Variants in QRICH1 observed in about 807,000 individuals in gnomAD.
QRICH1 encodes the protein glutamine rich 1.
QRICH1 carries 16 observed loss-of-function variants against 87.1 expected under a neutral mutation model. The ratio of observed to expected loss-of-function variants is 0.18; its 90% CI spans 0.12 to 0.28. The LOEUF is 0.28. Ranked by LOEUF, QRICH1 falls within the 10% of genes least tolerant of loss-of-function variation. QRICH1 has a pLI of 1.00. For synonymous variants in QRICH1, 367 were observed against 368.4 expected (o/e 1.00, Z 0.05); for missense variants, 647 against 951.7 (o/e 0.68, Z 4.21).
chr3:49,068,281 CAGG>C (rs2093479580), intron 2 of QRICH1, among the ~76,000 whole-genome samples: 1 of 151,864 alleles, frequency 6.6e-6, no homozygotes, highest in South Asian at 2.1e-4. Flanking sequence ...CAATTGCGCC[CAGG>C]AGTTCAAGGC....
At chr3:49,046,981 A>G (rs2106864772) in intron 4 of QRICH1, 88 bp downstream of exon 4, 12 of 1,438,666 alleles carry the variant, frequency 8.3e-6, no homozygotes, top group Non-Finnish European at 1.1e-5. Flanking sequence ...CCAAGACAGG[A>G]GACACCACTT....
chr3:49,071,165 C>G (rs375416408), intron 2 of QRICH1, among the ~76,000 whole-genome samples: 1 of 151,766 alleles, frequency 6.6e-6, no homozygotes, highest in Non-Finnish European at 1.5e-5. Context: ...CCCGGGTTCA[C>G]GTCATTCTCC....
rs993258870 is a variant in QRICH1, at chr3:49,030,621, T to C, written c.2162A>G (p.Asn721Ser). Residue 721 changes from asparagine to serine, a missense_variant, in exon 10 of 10, where the codon AAT (asparagine) becomes AGT (serine). Transcript: ENST00000395443. ...CTCAGGTGTCAGGTAAAAGGTGTCATTCCGGCCTTTCACACTCTGGGGGCT... is the reference window on the plus strand; with the variant it reads ...CTCAGGTGTCAGGTAAAAGGTGTCACTCCGGCCTTTCACACTCTGGGGGCT... ...FKCPQSVKGRNDTFYLTPEPV... is the reference protein window; with the variant it reads ...FKCPQSVKGRSDTFYLTPEPV... 6.3e-7 allele frequency: 1 copy of C among 1,590,112 alleles called. No homozygotes were observed. Among genetic ancestry groups the C allele is most frequent in the African/African-American group, 1.4e-5 (1 of 73,822 alleles).
chr3:49,073,696 G>T (rs2041892199), intron 2 of QRICH1, among the ~76,000 whole-genome samples: 1 of 151,052 alleles, frequency 6.6e-6, no homozygotes, highest in Admixed American at 6.6e-5. Context: ...ACCCAGGCTG[G>T]AGTGCAGTGG....
At chr3:49,061,407 C>T (rs180865903) in intron 2 of QRICH1, among the ~76,000 whole-genome samples, 2 of 152,146 alleles carry the variant, frequency 1.3e-5, no homozygotes, top group East Asian at 3.9e-4. Flanking sequence ...GATAACAATA[C>T]AGTTACTGTC....
At chr3:49,030,805 C>G (rs1362254055) in intron 9 of QRICH1, among the ~76,000 whole-genome samples, 161 bp from the exon 10 acceptor site, 1 of 152,140 alleles carries the variant, frequency 6.6e-6, no homozygotes, top group African/African-American at 2.4e-5. Context: ...TCCTGGTCCT[C>G]CTTTGGGACT....
intron 3 of QRICH1, among the ~76,000 whole-genome samples, chr3:49,055,288 C>T (rs2093394691): frequency 6.6e-6 from 1 of 152,154 alleles, no homozygotes; most frequent in South Asian, 2.1e-4. Flanking sequence ...CAAACATATG[C>T]ATGCTCAGGA....
At chr3:49,049,659 G>A (rs1451111961) in intron 3 of QRICH1, among the ~76,000 whole-genome samples, 3 of 151,436 alleles carry the variant, frequency 2.0e-5, no homozygotes, top group East Asian at 2.0e-4. Flanking sequence ...CATCATGCCC[G>A]GCTAATTTTT....
chr3:49,043,135 A>C (rs2093320101), intron 6 of QRICH1, among the ~76,000 whole-genome samples: 1 of 152,178 alleles, frequency 6.6e-6, no homozygotes, highest in African/African-American at 2.4e-5. Flanking sequence ...TATATACTTA[A>C]GGAGTTATAT....
At chr3:49,037,481 T>C (rs1047446537) in intron 6 of QRICH1, among the ~76,000 whole-genome samples, 2 of 152,174 alleles carry the variant, frequency 1.3e-5, no homozygotes, top group African/African-American at 2.4e-5. Context: ...ACCTGTAACC[T>C]AGCACTTTGG....
intron 1 of QRICH1, among the ~76,000 whole-genome samples, chr3:49,082,578 T>G (rs1258615330): frequency 2.6e-5 from 4 of 151,720 alleles, no homozygotes; most frequent in Non-Finnish European, 2.9e-5. Context: ...CAAAATCCAT[T>G]CTTTAAGCCT....
At chr3:49,054,435 TA>T (rs2093389071) in intron 3 of QRICH1, among the ~76,000 whole-genome samples, 1 of 152,136 alleles carries the variant, frequency 6.6e-6, no homozygotes, top group Admixed American at 6.6e-5. Context: ...TACCACAGAT[TA>T]GATCAAACTC....
Position 49,073,398 on chromosome 3 carries a change from G to A in QRICH1, c.309+3311C>T, listed in dbSNP as rs118166623. Among the ~76,000 whole-genome samples the A allele has an allele frequency of 2.8e-4, 43 of 151,710 alleles. No homozygotes were observed. The East Asian group carries it at 6.4e-3, about 23-fold the overall frequency. ...TCTACTAAAAATACAAAAATTAGCC[G>A]GCACAGTGGCAGGTGCCTGGAATCC... is the stretch of plus-strand genomic sequence containing the variant. On this transcript the variant is annotated intron_variant, in intron 2 of 9. Coordinates refer to ENST00000395443, the MANE Select transcript of QRICH1 (RefSeq NM_198880.3).
Position 49,094,047 on chromosome 3 carries a change from C to T in QRICH1, c.-157G>A, listed in dbSNP as rs2042334730. Reference sequence around the variant, plus strand: ...CTCCTCACAGCTCCCTGGGCGCCATCTTACATTCAACCCTCACAGCCAATA... The same window carrying T: ...CTCCTCACAGCTCCCTGGGCGCCATTTTACATTCAACCCTCACAGCCAATA... On this transcript the variant is annotated 5_prime_UTR_variant, in exon 1 of 10. Transcript: ENST00000395443. 2 of 398,662 alleles carry T rather than the reference C, an allele frequency of 5.0e-6. No individual in the cohort carries two copies. The highest frequency in any genetic ancestry group is 4.4e-5 in the Admixed American group (1 of 22,722). The allele number at this position is 398,662 out of a possible 1,614,324, so 24.7% of individuals were successfully genotyped here.
chr3:49,030,405 G>A lies in QRICH1; in HGVS notation c.*47C>T. The A allele has an allele frequency of 3.2e-6, 5 of 1,570,348 alleles. No individual in the cohort carries two copies. The East Asian group carries it at 9.1e-5, about 28-fold the overall frequency. On this transcript the variant is annotated 3_prime_UTR_variant, in exon 10 of 10. Transcript: ENST00000395443. ...GGCCTCTTCTTTAGTGTGAAAGTCTGTCTGGTTTTTCCTGGCTGGTTTCTC... is the reference window on the plus strand; with the variant it reads ...GGCCTCTTCTTTAGTGTGAAAGTCTATCTGGTTTTTCCTGGCTGGTTTCTC...
chr3:49,076,745 T>C lies in QRICH1; in HGVS notation c.273A>G (p.Glu91=), dbSNP rs1478112858. ...GCGGCTGCTGAACCTGGATCTGCTG[T>C]TCTTGCTGGGTTTGTGGCTGAACAC... ...TTSVQPQTQQ[E]QQIQVQQPQQ... The change falls in exon 2 of 10, where the codon GAA becomes GAG. Residue 91 remains glutamate, a synonymous_variant. Transcript: ENST00000395443. 6.3e-7 allele frequency: 1 copy of C among 1,598,430 alleles called. No homozygotes were observed. Among genetic ancestry groups the C allele is most frequent in the Admixed American group, 1.7e-5 (1 of 58,722 alleles).
At chr3:49,094,335 AC>A, upstream of QRICH1, 1 of 306,684 alleles carries the variant, frequency 3.3e-6, no homozygotes, top group East Asian at 5.1e-5. Flanking sequence ...CTTTGGACCC[AC>A]CTTCCGTCGC....
Position 49,057,059 on chromosome 3 carries a change from T to G in QRICH1, c.1141A>C (p.Asn381His). Residue 381 changes from asparagine (N) to histidine (H), a missense_variant, in exon 3 of 10, where the codon AAC becomes CAC. By Grantham distance (68) the Asn-to-His change is moderately conservative. Coordinates refer to ENST00000395443, the MANE Select transcript of QRICH1 (RefSeq NM_198880.3). The surrounding 1 kb of genome is among the most constrained non-coding windows in gnomAD (Gnocchi z 5.4). ...SHEEVVQTLA[N>H]SLFPAQFMNG... ...ATGAACTGTGCTGGAAAGAGAGAGT[T>G]TGCAAGGGTCTGCACTACCTCTTCA... 1 of 1,614,192 alleles carries G rather than the reference T, an allele frequency of 6.2e-7. No individual in the cohort carries two copies. The highest frequency in any genetic ancestry group is 8.5e-7 in the Non-Finnish European group (1 of 1,180,028).
At chr3:49,061,972 A>G (rs1022936882) in intron 2 of QRICH1, among the ~76,000 whole-genome samples, 3 of 152,248 alleles carry the variant, frequency 2.0e-5, no homozygotes, top group African/African-American at 7.2e-5. Context: ...CTAATAAGTT[A>G]TATCTAAAAA....
Sources: gnomAD v4.1 joint callset for allele counts (sites outside exome capture counted in the v4.1 genomes callset) on GRCh38, gnomAD v4.1.1 for gene constraint, Gnocchi (gnomAD v3.1) non-coding constraint, MANE v1.5 for transcripts, NCBI Gene and HGNC (gene_info 2026-07-23, HGNC 2026-07-21) for gene names.